LNX1: variants seen among roughly 807,000 people sequenced by gnomAD.
LNX1 encodes ligand of numb-protein X 1, also known as E3 ubiquitin-protein ligase LNX.
In LNX1, 54 loss-of-function variants were observed where a neutral mutation model predicts 68.4. The observed-to-expected ratio is 0.79, with a 90% CI of 0.63 to 0.99. The LOEUF is 0.99. Ranked by LOEUF, LNX1 falls within the 50% of genes least tolerant of loss-of-function variation. The pLI is 0.00. For synonymous variants in LNX1, 336 were observed against 350.0 expected, an observed-to-expected ratio of 0.96 and a Z score of 0.45; for missense variants, 906 against 926.4, an observed-to-expected ratio of 0.98 and a Z score of 0.29.
chr4:53,537,938 A>G (rs1728489679), intron 2 of LNX1, among the ~76,000 whole-genome samples: 1 of 152,202 alleles, frequency 6.6e-6, no homozygotes, highest in Non-Finnish European at 1.5e-5. Flanking sequence ...CTCTCTGAGG[A>G]CAGAATATCC....
At chr4:53,463,284 G>T (rs970065926) in intron 9 of LNX1, among the ~76,000 whole-genome samples, 1 of 152,120 alleles carries the variant, frequency 6.6e-6, no homozygotes, top group African/African-American at 2.4e-5. Flanking sequence ...TTCTGCAGAT[G>T]TTTAAACAAA....
At chr4:53,610,202 A>G (rs1733424938) in intron 2 of LNX1, among the ~76,000 whole-genome samples, 1 of 152,166 alleles carries the variant, frequency 6.6e-6, no homozygotes, top group African/African-American at 2.4e-5. Flanking sequence ...AATTCAGAGT[A>G]ATGATTTTAT....
At chr4:53,575,675 C>T in intron 1 of LNX1, 1 of 1,375,796 alleles carries the variant, frequency 7.3e-7, no homozygotes, top group African/African-American at 1.5e-5. Flanking sequence ...ATCTGGGACC[C>T]ACCCCCTGGG....
intron 2 of LNX1, among the ~76,000 whole-genome samples, chr4:53,557,647 A>C (rs1472717507): frequency 6.6e-6 from 1 of 151,664 alleles, no homozygotes; most frequent in African/African-American, 2.4e-5. Context: ...AAGCAGGAAA[A>C]AAAAATGCCT....
Position 53,635,978 on chromosome 4 carries a change from C to T in LNX1, c.-215+16190G>A, listed in dbSNP as rs1734457481. Among the ~76,000 whole-genome samples the T allele has an allele frequency of 2.6e-5, 4 of 152,138 alleles. No individual in the cohort carries two copies. The South Asian group carries it at 8.3e-4, about 32-fold the overall frequency. ...GTGATGGGGAATTAGAAGCATTAGG[C>T]TCCACTTCTGGCCCCTTTGCTAATT... On this transcript the variant is annotated intron_variant, in intron 1 of 2. Transcript: ENST00000507168.
chr4:53,486,710 A>T (rs17082887), intron 6 of LNX1, among the ~76,000 whole-genome samples: 7,076 of 152,266 alleles, frequency 0.046, 391 homozygotes, highest in African/African-American at 0.14. Flanking sequence ...GAGGGTTAAA[A>T]CTAAGTAGCG....
At chr4:53,509,011 G>C (rs1384940939) in intron 2 of LNX1, among the ~76,000 whole-genome samples, 1 of 152,158 alleles carries the variant, frequency 6.6e-6, no homozygotes, top group African/African-American at 2.4e-5. Flanking sequence ...GCAATAGAAA[G>C]AAGTTGAAAA....
chr4:53,578,513 A>AT (rs1731637043), intron 1 of LNX1, among the ~76,000 whole-genome samples: 1 of 152,176 alleles, frequency 6.6e-6, no homozygotes. Context: ...TTTTAATCTT[A>AT]TGGGATCACC....
At chr4:53,514,291 C>T (rs973155500) in intron 2 of LNX1, among the ~76,000 whole-genome samples, 4 of 152,168 alleles carry the variant, frequency 2.6e-5, no homozygotes, top group Non-Finnish European at 5.9e-5. Flanking sequence ...AATGAAAGAA[C>T]GACTTTTGCT....
At chr4:53,532,973 G>A (rs1046096208) in intron 2 of LNX1, among the ~76,000 whole-genome samples, 4 of 152,318 alleles carry the variant, frequency 2.6e-5, no homozygotes, top group African/African-American at 9.6e-5. Flanking sequence ...CGTCAGGGGA[G>A]CCCATATATT....
intron 9 of LNX1, 41 bp from the exon 10 acceptor site, chr4:53,461,634 T>C: frequency 6.6e-7 from 1 of 1,517,296 alleles, no homozygotes; most frequent in Non-Finnish European, 9.0e-7. Context: ...TATTTAAGTT[T>C]CACAGTTAAG....
intron 2 of LNX1, among the ~76,000 whole-genome samples, chr4:53,532,371 A>G (rs1728079052): frequency 6.6e-6 from 1 of 152,152 alleles, no homozygotes; most frequent in South Asian, 2.1e-4. Context: ...GCTACTCGGG[A>G]GGCTGAGGCA....
At chr4:53,599,988 A>G (rs1333448399) in intron 2 of LNX1, among the ~76,000 whole-genome samples, 3 of 152,230 alleles carry the variant, frequency 2.0e-5, no homozygotes, top group Non-Finnish European at 4.4e-5. Context: ...GTAGCTGTTT[A>G]GATGAATTTA....
chr4:53,628,634 CA>C (rs1317227607), intron 1 of LNX1, among the ~76,000 whole-genome samples: 3 of 152,028 alleles, frequency 2.0e-5, no homozygotes, highest in Non-Finnish European at 4.4e-5. Context: ...GGTACCTACC[CA>C]AAGGAAAAGA....
In LNX1 at chr4:53,468,659, T is replaced by C. The variant is rs184880221; in HGVS notation, c.1893-7066A>G. Among the ~76,000 whole-genome samples, 281 of 151,518 alleles carry C rather than the reference T, an allele frequency of 1.9e-3. 1 individual carries two copies. Among genetic ancestry groups the C allele is most frequent in the African/African-American group, 6.6e-3 (271 of 41,268 alleles). ...GATGGAAGAAGATCTACCAAGCAAA[T>C]GGAAAACAAAAAAAGACAGGGGTTG... On this transcript the variant is annotated intron_variant, in intron 9 of 10. Transcript: ENST00000263925.
intron 9 of LNX1, among the ~76,000 whole-genome samples, chr4:53,463,699 T>C (rs1722389595): frequency 6.6e-6 from 1 of 152,034 alleles, no homozygotes; most frequent in African/African-American, 2.4e-5. Context: ...AATGAGAAAA[T>C]TATGGTTACC....
At chr4:53,546,187 T>C (rs1405318631) in intron 2 of LNX1, among the ~76,000 whole-genome samples, 1 of 152,170 alleles carries the variant, frequency 6.6e-6, no homozygotes, top group African/African-American at 2.4e-5. Context: ...TCTGCTGCCA[T>C]CCTTTGTATA....
intron 2 of LNX1, among the ~76,000 whole-genome samples, chr4:53,543,507 G>A (rs1169547521): frequency 7.7e-6 from 1 of 129,886 alleles, no homozygotes; most frequent in Non-Finnish European, 1.6e-5. Context: ...CTACCAGGAG[G>A]CTACCTAGCT....
rs757469473 is a variant in LNX1, at chr4:53,573,886, G to A, written c.117C>T (p.Leu39=). The part of the protein sequence containing the change: ...YSYPEEVDDD[L]ICHICLQALL... The stretch of plus-strand genomic sequence containing the variant: ...AAGCCTGCAGGCAGATGTGGCAGAT[G>A]AGGTCATCATCCACTTCCTCTGGAT... The change falls in exon 2 of 11, where the codon CTC becomes CTT. Residue 39 remains leucine, a synonymous_variant. Coordinates refer to ENST00000263925, the MANE Select transcript of LNX1 (RefSeq NM_001126328.3). 2.5e-6 allele frequency: 4 copies of A among 1,613,820 alleles called. No individual in the cohort carries two copies. The South Asian group carries it at 3.3e-5, about 13-fold the overall frequency.
Sources: gnomAD v4.1 joint callset for allele counts (sites outside exome capture counted in the v4.1 genomes callset) on GRCh38, gnomAD v4.1.1 for gene constraint, MANE v1.5 for transcripts, NCBI Gene and HGNC (gene_info 2026-07-23, HGNC 2026-07-21) for gene names.